The following MAP2K6 variants were observed in gnomAD, a reference collection of about 807,000 sequenced individuals.
MAP2K6 encodes the protein mitogen-activated protein kinase kinase 6.
A neutral mutation model predicts 53.7 loss-of-function variants in MAP2K6; 16 were observed. The observed-to-expected ratio is 0.30, with a 90% CI of 0.20 to 0.45. MAP2K6 has a LOEUF of 0.45. Among genes scored for constraint, MAP2K6 ranks in the 20% least tolerant of loss-of-function variants. The pLI, the probability that MAP2K6 is intolerant of heterozygous loss-of-function variation, is 1.00. For synonymous variants in MAP2K6, 132 were observed against 143.1 expected (o/e 0.92, Z 0.55); for missense variants, 204 against 411.9 (o/e 0.50, Z 4.37).
intron 1 of MAP2K6, among the ~76,000 whole-genome samples, chr17:69,469,523 G>A (rs1907917678): frequency 6.6e-6 from 1 of 152,156 alleles, no homozygotes. Flanking sequence ...CAGTGCTTTG[G>A]GAGGCCGAGG....
chr17:69,513,070 C>T (rs1230621392), intron 2 of MAP2K6, among the ~76,000 whole-genome samples: 2 of 152,158 alleles, frequency 1.3e-5, no homozygotes, highest in Non-Finnish European at 2.9e-5. Context: ...AACATCCACC[C>T]ACAGTATAAA....
intron 1 of MAP2K6, among the ~76,000 whole-genome samples, chr17:69,436,226 C>A (rs536454760): frequency 5.9e-5 from 9 of 152,170 alleles, no homozygotes; most frequent in Non-Finnish European, 1.3e-4. Flanking sequence ...CCTCCAAGAG[C>A]ACAGCCCTTT....
chr17:69,432,700 G>A (rs1015614416), intron 1 of MAP2K6, among the ~76,000 whole-genome samples: 2 of 151,954 alleles, frequency 1.3e-5, no homozygotes, highest in African/African-American at 4.8e-5. Flanking sequence ...TAATGCATGT[G>A]GGGCTTAATA....
rs1303323370 is a variant in MAP2K6, at chr17:69,550,065, A to T, written c.*8312A>T. ...CTATGGGAAAACCCATCAAAAAGCC[A>T]AACCTTTATTGTTATTTTTCCTTAA... On this transcript the variant is annotated 3_prime_UTR_variant, in exon 12 of 12. Coordinates refer to ENST00000590474, the MANE Select transcript of MAP2K6 (RefSeq NM_002758.4). The T allele has an allele frequency of 6.6e-6, 1 of 152,212 alleles. No individual in the cohort carries two copies. The highest frequency in any genetic ancestry group is 1.5e-5 in the Non-Finnish European group (1 of 68,026). The allele number at this position is 152,212 out of a possible 1,614,324, so 9.4% of individuals were successfully genotyped here.
intron 1 of MAP2K6, among the ~76,000 whole-genome samples, chr17:69,454,204 C>T (rs1419597687): frequency 6.6e-6 from 1 of 152,140 alleles, no homozygotes; most frequent in Non-Finnish European, 1.5e-5. Flanking sequence ...GAAGCGCTTC[C>T]TCCATCAGTG....
intron 11 of MAP2K6, among the ~76,000 whole-genome samples, chr17:69,539,338 CT>C (rs1035773172): frequency 6.6e-6 from 1 of 152,184 alleles, no homozygotes; most frequent in Non-Finnish European, 1.5e-5. Context: ...CCTGGCTCCT[CT>C]TTTGGGAAAC....
chr17:69,526,875 C>G (rs1225004814), intron 10 of MAP2K6, among the ~76,000 whole-genome samples, 166 bp downstream of exon 10: 1 of 152,142 alleles, frequency 6.6e-6, no homozygotes, highest in Non-Finnish European at 1.5e-5. Flanking sequence ...ACACTCCCTG[C>G]CCTCACTGAG....
chr17:69,446,188 TG>T (rs1403760039), intron 1 of MAP2K6, among the ~76,000 whole-genome samples: 1 of 152,166 alleles, frequency 6.6e-6, no homozygotes, highest in East Asian at 1.9e-4. Context: ...GACACCAGGA[TG>T]GGGGAGGGTG....
At chr17:69,469,021 A>G (rs1423622526) in intron 1 of MAP2K6, among the ~76,000 whole-genome samples, 1 of 152,238 alleles carries the variant, frequency 6.6e-6, no homozygotes, top group African/African-American at 2.4e-5. Context: ...ATCGTGTTAC[A>G]GAGGCCCTTG....
At chr17:69,523,684 G>T (rs368429835) in intron 8 of MAP2K6, 43 bp downstream of exon 8, 1 of 1,601,680 alleles carries the variant, frequency 6.2e-7, no homozygotes, top group South Asian at 1.1e-5. Context: ...TGTCACTGCC[G>T]ACAAATCATG....
At chr17:69,431,226 GTTTA>G (rs777531332) in intron 1 of MAP2K6, among the ~76,000 whole-genome samples, 2 of 152,082 alleles carry the variant, frequency 1.3e-5, no homozygotes. Flanking sequence ...TTTGAATCTA[GTTTA>G]TTTAAACACT....
At chr17:69,527,040 C>T (rs757943995) in intron 10 of MAP2K6, among the ~76,000 whole-genome samples, 13 of 152,024 alleles carry the variant, frequency 8.6e-5, no homozygotes, top group South Asian at 2.1e-4. Flanking sequence ...GCTGCGATCA[C>T]GAGAGGAATT....
intron 1 of MAP2K6, among the ~76,000 whole-genome samples, chr17:69,440,518 T>C (rs546582501): frequency 2.0e-5 from 3 of 152,336 alleles, no homozygotes; most frequent in African/African-American, 7.2e-5. Flanking sequence ...ATACTTACTT[T>C]CTCTTTAATA....
chr17:69,523,050 A>T lies in MAP2K6; in HGVS notation c.536-464A>T, dbSNP rs544772936. Among the ~76,000 whole-genome samples the T allele has an allele frequency of 1.2e-4, 19 of 152,254 alleles. No individual in the cohort carries two copies. In the East Asian group the frequency reaches 3.7e-3, roughly 29 times the overall value. On this transcript the variant is annotated intron_variant, in intron 7 of 11. Transcript: ENST00000590474. ...CACACCGGTTGAGTGACAGAGTAAGACCTTATCTTGAAGAAAAAACCAAAC... is the reference window on the plus strand; with the variant it reads ...CACACCGGTTGAGTGACAGAGTAAGTCCTTATCTTGAAGAAAAAACCAAAC...
chr17:69,468,954 T>G (rs1481445964), intron 1 of MAP2K6, among the ~76,000 whole-genome samples: 2 of 152,188 alleles, frequency 1.3e-5, no homozygotes, highest in Non-Finnish European at 2.9e-5. Context: ...AGAGAGTGAT[T>G]AATGCACAGA....
At chr17:69,459,616 G>A (rs1425295842) in intron 1 of MAP2K6, among the ~76,000 whole-genome samples, 2 of 148,914 alleles carry the variant, frequency 1.3e-5, no homozygotes, top group African/African-American at 2.5e-5. Flanking sequence ...GGAGGCTGAG[G>A]CAGGAGAATC....
chr17:69,507,913 G>A (rs78320837), intron 2 of MAP2K6, among the ~76,000 whole-genome samples: 3,886 of 152,094 alleles, frequency 0.026, 224 homozygotes, highest in East Asian at 0.21. Context: ...ATTGGCCAGA[G>A]TAATTGTACC....
chr17:69,527,491 C>T (rs189298204), intron 10 of MAP2K6, among the ~76,000 whole-genome samples: 145 of 152,298 alleles, frequency 9.5e-4, no homozygotes, highest in African/African-American at 3.3e-3. Context: ...AAAGTATTCT[C>T]TAGACAATCC....
chr17:69,500,741 G>A (rs917760813), intron 1 of MAP2K6, among the ~76,000 whole-genome samples: 1 of 147,352 alleles, frequency 6.8e-6, no homozygotes, highest in Admixed American at 6.9e-5. Flanking sequence ...GGGTGACAGA[G>A]CAAGATTCCA....
Sources: allele counts gnomAD v4.1 joint callset (sites outside exome capture counted in the v4.1 genomes callset), GRCh38; gene constraint gnomAD v4.1.1; transcripts MANE v1.5; gene names NCBI Gene and HGNC (gene_info 2026-07-23, HGNC 2026-07-21).